The following ENTPD6 variants were observed in gnomAD, a reference collection of about 807,000 sequenced individuals.
The protein encoded by ENTPD6 is CD39 antigen-like 2.
A neutral mutation model predicts 61.5 loss-of-function variants in ENTPD6; 46 were observed. The ratio of observed to expected loss-of-function variants is 0.75; its 90% CI spans 0.59 to 0.96. The LOEUF (loss-of-function observed/expected upper bound fraction) is 0.96. Among genes scored for constraint, ENTPD6 ranks in the 40% least tolerant of loss-of-function variants. ENTPD6 has a pLI of 0.00. For synonymous variants in ENTPD6, 252 were observed against 255.5 expected (o/e 0.99, Z 0.13); for missense variants, 612 against 629.0 (o/e 0.97, Z 0.29).
chr20:25,206,996 C>T, intron 2 of ENTPD6, 80 bp from the exon 3 acceptor site: 3 of 1,311,166 alleles, frequency 2.3e-6, no homozygotes. Flanking sequence ...ACATTTTGTC[C>T]CTGGGCCTGG....
chr20:25,222,131 A>G (rs1432977320), intron 11 of ENTPD6: 1 of 153,532 alleles, frequency 6.5e-6, no homozygotes, highest in Non-Finnish European at 1.4e-5. Flanking sequence ...CAGGCCGCAC[A>G]AGCAGCACAC....
chr20:25,223,021 A>AG, intron 12 of ENTPD6, 43 bp downstream of exon 12: 9 of 488,138 alleles, frequency 1.8e-5, no homozygotes, highest in Admixed American at 6.4e-5. Flanking sequence ...TCGGGGCGGC[A>AG]GGGGGCGGGG....
At chr20:25,217,074 G>T (rs1381572291) in intron 8 of ENTPD6, among the ~76,000 whole-genome samples, 3 of 152,210 alleles carry the variant, frequency 2.0e-5, no homozygotes, top group East Asian at 3.8e-4. Context: ...AGAGCAGAAA[G>T]ATTTTGTCCA....
In ENTPD6 at chr20:25,214,885, G is replaced by C. The variant is rs2092225790; in HGVS notation, c.616G>C (p.Ala206Pro). Residue 206 changes from alanine (A) to proline (P), a missense_variant, in exon 6 of 15, where the codon GCA becomes CCA. Transcript: ENST00000376652. ...CATTTAGGTGAAAAAAGTATTTAAA[G>C]CATCGCCTTTCCTTGTAGGGGATGA... ...LLQKVKKVFK[A>P]SPFLVGDDCV... The C allele has an allele frequency of 6.3e-7, 1 of 1,588,504 alleles. No homozygotes were observed. Among genetic ancestry groups the C allele is most frequent in the Admixed American group, 1.7e-5 (1 of 59,974 alleles).
At position 25,207,353 on chromosome 20, in the gene ENTPD6, C is replaced by A; in HGVS notation, c.332C>A (p.Thr111Asn). The A allele has an allele frequency of 6.4e-7, 1 of 1,565,392 alleles. No individual in the cohort carries two copies. Among genetic ancestry groups the A allele is most frequent in the South Asian group, 1.2e-5 (1 of 84,896 alleles). Residue 111 changes from threonine (T) to asparagine (N), a missense_variant, in exon 3 of 15, where the codon ACT (threonine) becomes AAT (asparagine). By Grantham distance (65) the Thr-to-Asn change is moderately conservative (BLOSUM62 0). Transcript: ENST00000376652. ...GGGATCATGTTTGATGCAGGAAGCA[C>A]TGGCACCCGAGTACACGTCTTCCAG... is the stretch of plus-strand genomic sequence containing the variant. Reference protein sequence around the residue: ...FYGIMFDAGSTGTRVHVFQFT... With the variant: ...FYGIMFDAGSNGTRVHVFQFT...
intron 8 of ENTPD6, 76 bp downstream of exon 8, chr20:25,216,812 C>A: frequency 1.5e-6 from 1 of 647,078 alleles, no homozygotes; most frequent in Non-Finnish European, 2.4e-6. Context: ...GTGGGGCCTG[C>A]TGAGGTGCTG....
At chr20:25,224,201 C>G (rs762173650) in intron 13 of ENTPD6, 44 bp downstream of exon 13, 2 of 1,565,166 alleles carry the variant, frequency 1.3e-6, no homozygotes, top group Non-Finnish European at 1.8e-6. Context: ...GCAGGCGCCC[C>G]GTGATGCTCG....
chr20:25,212,381 A>G (rs2092027336), intron 4 of ENTPD6, among the ~76,000 whole-genome samples: 1 of 152,180 alleles, frequency 6.6e-6, no homozygotes, highest in African/African-American at 2.4e-5. Context: ...ATCGCCCGTG[A>G]GGATTGGCAC....
intron 1 of ENTPD6, chr20:25,197,248 G>T: frequency 1.0e-6 from 1 of 985,332 alleles, no homozygotes; most frequent in Non-Finnish European, 1.2e-6. Flanking sequence ...TCCCCATCTA[G>T]AAAGCCAACC....
intron 10 of ENTPD6, 106 bp downstream of exon 10, chr20:25,218,720 G>C (rs951335010): frequency 4.2e-6 from 5 of 1,176,470 alleles, no homozygotes; most frequent in Admixed American, 2.3e-5. Flanking sequence ...CTGCAGGAGA[G>C]GTCCCTCTGC....
rs1461368779 is a variant in ENTPD6 at position 25,227,393 on chromosome 20, G to T, written c.*1796G>T. 6.6e-6 allele frequency among the ~76,000 whole-genome samples: 1 copy of T among 152,190 alleles called. No homozygotes were observed. Among genetic ancestry groups the T allele is most frequent in the African/African-American group, 2.4e-5 (1 of 41,438 alleles). On this transcript the variant is annotated 3_prime_UTR_variant, in exon 15 of 15. Transcript: ENST00000376652. The stretch of plus-strand genomic sequence containing the variant: ...ATGAAGGTAAAGCCAAAATCAATTT[G>T]GTCCATTTAAAGAAGGTCGGTGACC...
chr20:25,218,746 G>A, intron 10 of ENTPD6, 132 bp downstream of exon 10: 1 of 900,830 alleles, frequency 1.1e-6, no homozygotes, highest in Admixed American at 2.7e-5. Flanking sequence ...CCACCCCACT[G>A]CTGTCCCGCT....
chr20:25,225,370 GA>G (rs1269178446), intron 14 of ENTPD6, 53 bp downstream of exon 14: 2 of 1,602,702 alleles, frequency 1.2e-6, no homozygotes, highest in Non-Finnish European at 1.7e-6. Context: ...GAGGGGCCTA[GA>G]ACCACTTCTC....
chr20:25,199,198 G>T lies in ENTPD6; in HGVS notation c.-16+3331G>T, dbSNP rs557499096. Among the ~76,000 whole-genome samples, 7 of 152,304 alleles carry T rather than the reference G, an allele frequency of 4.6e-5. No individual in the cohort carries two copies. In the East Asian group the frequency reaches 1.4e-3, roughly 29 times the overall value. On this transcript the variant is annotated intron_variant, in intron 1 of 14. Transcript: ENST00000376652. Reference sequence around the variant, plus strand: ...TAACCAGAGCCAGAGGGGCCTAGAAGAACTGCACATGTCATGTGCTGTGGA... The same window carrying T: ...TAACCAGAGCCAGAGGGGCCTAGAATAACTGCACATGTCATGTGCTGTGGA...
At chr20:25,197,540 G>T (rs1403238120) in intron 1 of ENTPD6, among the ~76,000 whole-genome samples, 1 of 152,218 alleles carries the variant, frequency 6.6e-6, no homozygotes, top group Non-Finnish European at 1.5e-5. Flanking sequence ...TTCACGCTGT[G>T]GTGTTAGTGG....
At chr20:25,214,279 G>A (rs965519211) in intron 5 of ENTPD6, among the ~76,000 whole-genome samples, 3 of 152,238 alleles carry the variant, frequency 2.0e-5, no homozygotes, top group East Asian at 1.9e-4. Flanking sequence ...TTGTGCACGC[G>A]TGCAGGTGGG....
intron 1 of ENTPD6, among the ~76,000 whole-genome samples, chr20:25,203,031 G>C (rs2091169865): frequency 6.6e-6 from 1 of 152,172 alleles, no homozygotes; most frequent in Non-Finnish European, 1.5e-5. Flanking sequence ...GTGAAGGACA[G>C]TTTTGCTGAA....
In ENTPD6 at chr20:25,207,311, G is replaced by A. The variant is rs1286441817; in HGVS notation, c.290G>A (p.Gly97Glu). The A allele has an allele frequency of 6.2e-7, 1 of 1,603,198 alleles. No individual in the cohort carries two copies. The highest frequency in any genetic ancestry group is 8.5e-7 in the Non-Finnish European group (1 of 1,172,284). ...AGCCCCCTGGGGACAGCTGCAGACG[G>A]GCACGAGGTCTTCTACGGGATCATG... is the stretch of plus-strand genomic sequence containing the variant. ...AHSPLGTAAD[G>E]HEVFYGIMFD... is the part of the protein sequence containing the mutation. The change falls in exon 3 of 15, where the codon GGG becomes GAG. Residue 97 changes from glycine (G) to glutamate (E), a missense_variant. Physicochemically the swap from Gly to Glu is moderately conservative, Grantham distance 98 (BLOSUM62 -2). Coordinates refer to ENST00000376652, the MANE Select transcript of ENTPD6 (RefSeq NM_001247.5).
chr20:25,201,687 A>C (rs773853959), intron 1 of ENTPD6, among the ~76,000 whole-genome samples: 1 of 152,226 alleles, frequency 6.6e-6, no homozygotes, highest in Non-Finnish European at 1.5e-5. Context: ...TAGAATATAC[A>C]GCTGACCTTT....
Sources: gnomAD v4.1 joint callset for allele counts (sites outside exome capture counted in the v4.1 genomes callset) on GRCh38, gnomAD v4.1.1 for gene constraint, MANE v1.5 for transcripts, NCBI Gene and HGNC (gene_info 2026-07-23, HGNC 2026-07-21) for gene names.